MAGT1: variants seen among roughly 807,000 people sequenced by gnomAD.
MAGT1 encodes the protein dolichyl-diphosphooligosaccharide--protein glycosyltransferase subunit MAGT1.
Under a neutral mutation model 28.4 loss-of-function variants are expected in MAGT1, and 4 were observed. The ratio of observed to expected loss-of-function variants is 0.14; its 90% CI spans 0.07 to 0.32. The LOEUF (loss-of-function observed/expected upper bound fraction) is 0.32. MAGT1 is among the 10% of genes least tolerant of loss of function. MAGT1 has a pLI of 1.00. For missense variants in MAGT1, 193 were observed against 264.5 expected, an observed-to-expected ratio of 0.73 and a Z score of 1.88; for synonymous variants, 89 against 89.7, an observed-to-expected ratio of 0.99 and a Z score of 0.04.
intron 7 of MAGT1, among the ~76,000 whole-genome samples, chrX:77,852,034 G>T (rs1452670845): frequency 4.6e-5 from 5 of 109,118 alleles, no homozygotes; most frequent in African/African-American, 1.7e-4. Context: ...GAGTAGCAGG[G>T]ATTACAGGCA....
At chrX:77,857,526 C>T (rs782535995) in intron 3 of MAGT1, 29 bp from the exon 4 acceptor site, 3 of 1,197,844 alleles carry the variant, frequency 2.5e-6, no homozygotes, top group Admixed American at 2.2e-5. Context: ...TGAAAATATA[C>T]ATTATCAGGA....
intron 8 of MAGT1, among the ~76,000 whole-genome samples, chrX:77,839,680 G>C (rs1557214227): frequency 9.1e-6 from 1 of 109,720 alleles, no homozygotes; most frequent in African/African-American, 3.3e-5. Flanking sequence ...GCTAATTTTT[G>C]TATTTTTAGT....
chrX:77,874,859 AT>A (rs782160221), intron 2 of MAGT1, among the ~76,000 whole-genome samples: 182 of 99,408 alleles, frequency 1.8e-3, no homozygotes, highest in East Asian at 2.5e-3. Flanking sequence ...GTTGATACTG[AT>A]TTTTTTTTTT....
chrX:77,855,074 G>A (rs868938004), intron 6 of MAGT1, among the ~76,000 whole-genome samples: 9 of 111,672 alleles, frequency 8.1e-5, no homozygotes, highest in African/African-American at 2.9e-4. Context: ...AGCACTTTGG[G>A]AGGCTGAGGC....
At chrX:77,838,018 G>A (rs1490069877) in intron 8 of MAGT1, among the ~76,000 whole-genome samples, 1 of 112,109 alleles carries the variant, frequency 8.9e-6, no homozygotes, top group Non-Finnish European at 1.9e-5. Context: ...GGATTTACAG[G>A]TGTGAGTCAC....
Position 77,875,437 on chromosome X carries a change from A to T in MAGT1, c.263T>A (p.Val88Asp). Reference protein sequence around the residue: ...FTALQLHRQCVVCKQADEEFQ... With the variant: ...FTALQLHRQCDVCKQADEEFQ... ...TAGTTGGAGTTCATACTTGCAAACG[A>T]CACACTGTCTATGCAGTTGGAGAGC... is the stretch of plus-strand genomic sequence containing the variant. Residue 88 changes from valine (V) to aspartate (D), a missense_variant, in exon 2 of 10, where the codon GTC (valine) becomes GAC (aspartate). Physicochemically the swap from Val to Asp is radical, Grantham distance 152. Transcript: ENST00000618282. 8.3e-7 allele frequency: 1 copy of T among 1,209,336 alleles called. No individual in the cohort carries two copies. The highest frequency in any genetic ancestry group is 1.1e-6 in the Non-Finnish European group (1 of 894,583).
intron 1 of MAGT1, among the ~76,000 whole-genome samples, chrX:77,881,201 C>T (rs1557218401): frequency 1.8e-5 from 2 of 110,664 alleles, no homozygotes; most frequent in Non-Finnish European, 3.8e-5. Context: ...TATGGGTTCA[C>T]ATTTTAAAAT....
At chrX:77,873,400 C>T (rs2077025087) in intron 2 of MAGT1, among the ~76,000 whole-genome samples, 1 of 112,132 alleles carries the variant, frequency 8.9e-6, no homozygotes, top group Admixed American at 9.6e-5. Flanking sequence ...ATTCTTCATA[C>T]AGTAGCTTTG....
Position 77,879,403 on chromosome X carries a change from G to A in MAGT1, c.103-3806C>T, listed in dbSNP as rs374490207. Among the ~76,000 whole-genome samples, 8 of 111,492 alleles carry A rather than the reference G, an allele frequency of 7.2e-5. No homozygotes were observed. In the East Asian group the frequency reaches 2.0e-3, roughly 27 times the overall value. On this transcript the variant is annotated intron_variant, in intron 1 of 9. Coordinates refer to ENST00000618282, the MANE Select transcript of MAGT1 (RefSeq NM_001367916.1). ...CCATGAGTAGTAAGAAGGCAGGAAG[G>A]GATAACAAAGAAAACAAAAATCTCA... is the stretch of plus-strand genomic sequence containing the variant.
chrX:77,873,988 T>A (rs1557217531), intron 2 of MAGT1, among the ~76,000 whole-genome samples: 1 of 108,959 alleles, frequency 9.2e-6, no homozygotes, highest in Non-Finnish European at 1.9e-5. Flanking sequence ...GCATCTTTTT[T>A]TTTTGTTTGT....
intron 1 of MAGT1, among the ~76,000 whole-genome samples, chrX:77,876,601 T>C (rs1271845654): frequency 9.0e-6 from 1 of 111,476 alleles, no homozygotes; most frequent in African/African-American, 3.3e-5. Flanking sequence ...ACAAGTGTAG[T>C]CAAATGATTT....
At chrX:77,857,529 T>C in intron 3 of MAGT1, 32 bp from the exon 4 acceptor site, 2 of 1,198,606 alleles carry the variant, frequency 1.7e-6, no homozygotes, top group Non-Finnish European at 2.3e-6. Context: ...AAATATACAT[T>C]ATCAGGAAAA....
At chrX:77,874,509 T>C (rs1262498592) in intron 2 of MAGT1, among the ~76,000 whole-genome samples, 2 of 103,828 alleles carry the variant, frequency 1.9e-5, no homozygotes, top group Non-Finnish European at 3.9e-5. Context: ...GGCAGAAGAA[T>C]CACTTGAACC....
chrX:77,865,545 G>A (rs976292251), intron 3 of MAGT1, among the ~76,000 whole-genome samples: 17 of 109,496 alleles, frequency 1.6e-4, no homozygotes, highest in Non-Finnish European at 2.1e-4. Context: ...TGCCTGCCTC[G>A]GCCTCCCAAA....
chrX:77,844,037 T>C (rs1557214653), intron 7 of MAGT1, among the ~76,000 whole-genome samples: 1 of 111,729 alleles, frequency 9.0e-6, no homozygotes, highest in Non-Finnish European at 1.9e-5. Flanking sequence ...AGCTCCTCCT[T>C]GTACCTCTGG....
chrX:77,882,846 A>G (rs2077056264), intron 1 of MAGT1, among the ~76,000 whole-genome samples: 1 of 107,154 alleles, frequency 9.3e-6, no homozygotes, highest in South Asian at 3.9e-4. Context: ...ATGTGCCTGT[A>G]GTCCCAGATA....
At chrX:77,846,894 G>A (rs782386387) in intron 7 of MAGT1, among the ~76,000 whole-genome samples, 31 of 112,115 alleles carry the variant, frequency 2.8e-4, no homozygotes, top group African/African-American at 9.4e-4. Context: ...ACCCACTTAA[G>A]GAGGCAGTCT....
intron 1 of MAGT1, among the ~76,000 whole-genome samples, chrX:77,880,782 A>G (rs1444776250): frequency 1.2e-4 from 13 of 108,075 alleles, no homozygotes; most frequent in African/African-American, 4.0e-4. Flanking sequence ...ACATGGCAAA[A>G]CCTCATCTCT....
intron 3 of MAGT1, among the ~76,000 whole-genome samples, chrX:77,860,853 TCAA>T (rs781897246): frequency 9.1e-5 from 10 of 110,165 alleles, no homozygotes; most frequent in Non-Finnish European, 1.3e-4. Flanking sequence ...CTCCTACAAC[TCAA>T]CAACAACAAA....
Sources: gnomAD v4.1 joint callset for allele counts (sites outside exome capture counted in the v4.1 genomes callset) on GRCh38, gnomAD v4.1.1 for gene constraint, MANE v1.5 for transcripts, NCBI Gene and HGNC (gene_info 2026-07-23, HGNC 2026-07-21) for gene names.